PRKCA: variants seen among roughly 807,000 people sequenced by gnomAD.
PRKCA encodes the protein protein kinase C alpha.
In PRKCA, 27 loss-of-function variants were observed where a neutral mutation model predicts 87.0. The ratio of observed to expected loss-of-function variants is 0.31; its 90% CI spans 0.23 to 0.43. The LOEUF is 0.43. PRKCA is among the 20% of genes least tolerant of loss of function. The pLI is 1.00. For missense variants in PRKCA, 518 were observed against 852.3 expected, an observed-to-expected ratio of 0.61 and a Z score of 4.88; for synonymous variants, 329 against 311.1, an observed-to-expected ratio of 1.06 and a Z score of -0.61.
At chr17:66,776,680 A>G (rs1568027480) in intron 14 of PRKCA, among the ~76,000 whole-genome samples, 1 of 152,178 alleles carries the variant, frequency 6.6e-6, no homozygotes, top group Non-Finnish European at 1.5e-5. Context: ...AGTAAAGTAC[A>G]CTTGGAAGAG....
At chr17:66,764,630 T>C (rs1001428348) in intron 13 of PRKCA, among the ~76,000 whole-genome samples, 2 of 152,258 alleles carry the variant, frequency 1.3e-5, no homozygotes, top group Non-Finnish European at 2.9e-5. Context: ...TAAAATTGAA[T>C]GACAGTGGCC....
chr17:66,578,901 C>T (rs1397331956), intron 3 of PRKCA, among the ~76,000 whole-genome samples: 1 of 152,218 alleles, frequency 6.6e-6, no homozygotes, highest in African/African-American at 2.4e-5. Flanking sequence ...TGGGTGGCTC[C>T]CCGCGCAGCT....
chr17:66,507,019 T>C (rs1433854405), intron 3 of PRKCA, among the ~76,000 whole-genome samples: 2 of 152,224 alleles, frequency 1.3e-5, no homozygotes, highest in African/African-American at 2.4e-5. Flanking sequence ...TGTGATACCA[T>C]GTATTTAGCG....
chr17:66,410,488 G>A (rs1301406956), intron 2 of PRKCA, among the ~76,000 whole-genome samples: 1 of 152,060 alleles, frequency 6.6e-6, no homozygotes, highest in Non-Finnish European at 1.5e-5. Context: ...TTACACCTTA[G>A]CTTAAAAAAT....
chr17:66,435,647 T>C (rs1209322941), intron 2 of PRKCA, among the ~76,000 whole-genome samples: 2 of 152,036 alleles, frequency 1.3e-5, no homozygotes, highest in Non-Finnish European at 2.9e-5. Flanking sequence ...ATTGGGAAGA[T>C]ATAAAGCACT....
At chr17:66,566,472 G>GTTGTTTTTT (rs1968891899) in intron 3 of PRKCA, among the ~76,000 whole-genome samples, 1 of 66,168 alleles carries the variant, frequency 1.5e-5, no homozygotes, top group African/African-American at 6.3e-5. Context: ...AACTGTTGTT[G>GTTGTTTTTT]TTTTTTGGTT....
intron 2 of PRKCA, among the ~76,000 whole-genome samples, chr17:66,356,162 G>A (rs1162198400): frequency 6.6e-6 from 1 of 152,184 alleles, no homozygotes. Flanking sequence ...GCCTCCCAAA[G>A]TGCTGGGATT....
At chr17:66,766,385 G>A (rs1369861209) in intron 13 of PRKCA, among the ~76,000 whole-genome samples, 1 of 152,010 alleles carries the variant, frequency 6.6e-6, no homozygotes, top group Non-Finnish European at 1.5e-5. Flanking sequence ...TTCCAATTCG[G>A]ACATCAGTTT....
chr17:66,761,332 T>C (rs1235565608), intron 13 of PRKCA, among the ~76,000 whole-genome samples: 1 of 148,488 alleles, frequency 6.7e-6, no homozygotes, highest in African/African-American at 2.5e-5. Context: ...ATCACGCCAC[T>C]GCACTCCAGC....
intron 2 of PRKCA, among the ~76,000 whole-genome samples, chr17:66,361,470 C>A (rs1454496044): frequency 6.6e-6 from 1 of 152,000 alleles, no homozygotes; most frequent in African/African-American, 2.4e-5. Context: ...CGCCACCACG[C>A]CTGGCTAATT....
chr17:66,643,879 C>T (rs1971379220), intron 4 of PRKCA, among the ~76,000 whole-genome samples: 1 of 152,184 alleles, frequency 6.6e-6, no homozygotes, highest in Admixed American at 6.5e-5. Flanking sequence ...TTGAGTGGGC[C>T]AACCTCTCAC....
chr17:66,329,039 T>C (rs1165509010), intron 2 of PRKCA, among the ~76,000 whole-genome samples: 1 of 152,222 alleles, frequency 6.6e-6, no homozygotes, highest in Non-Finnish European at 1.5e-5. Context: ...CCTACTGTTA[T>C]GTGAAGAACT....
intron 2 of PRKCA, among the ~76,000 whole-genome samples, chr17:66,429,315 T>C (rs1360847264): frequency 6.6e-6 from 1 of 152,198 alleles, no homozygotes; most frequent in Non-Finnish European, 1.5e-5. Context: ...TTAATATCGT[T>C]GGGTTTCATG....
chr17:66,444,523 A>G lies in PRKCA; in HGVS notation c.206-51678A>G, dbSNP rs72838281. Reference sequence around the variant, plus strand: ...GGCTGCTTAAGGCATATGAGGGCTCAGGACTCAGAGCCCTCCTTCTTTATG... The same window carrying G: ...GGCTGCTTAAGGCATATGAGGGCTCGGGACTCAGAGCCCTCCTTCTTTATG... On this transcript the variant is annotated intron_variant, in intron 2 of 16. Transcript: ENST00000413366. 5.8e-3 allele frequency among the ~76,000 whole-genome samples: 879 copies of G among 152,300 alleles called. 8 individuals are homozygous for G. Among genetic ancestry groups the G allele is most frequent in the Non-Finnish European group, 9.2e-3 (623 of 68,026 alleles).
chr17:66,306,992 C>T (rs1265999882), intron 2 of PRKCA, among the ~76,000 whole-genome samples: 1 of 152,074 alleles, frequency 6.6e-6, no homozygotes, highest in African/African-American at 2.4e-5. Context: ...AAAATATTAT[C>T]CTAACACTGT....
chr17:66,674,039 A>C lies in PRKCA; in HGVS notation c.530-13072A>C, dbSNP rs189362351. Among the ~76,000 whole-genome samples, 615 of 152,336 alleles carry C rather than the reference A, an allele frequency of 4.0e-3. 5 individuals carry two copies. Among genetic ancestry groups the C allele is most frequent in the African/African-American group, 0.014 (575 of 41,578 alleles). On this transcript the variant is annotated intron_variant, in intron 5 of 16. Coordinates refer to ENST00000413366, the MANE Select transcript of PRKCA (RefSeq NM_002737.3). The stretch of plus-strand genomic sequence containing the variant: ...TATGTACTGCAACCAAGAGCTGAGA[A>C]GTTTCCAAGCTTTCCTGTCTGTGTT...
intron 3 of PRKCA, among the ~76,000 whole-genome samples, chr17:66,552,126 C>T (rs187309618): frequency 1.3e-5 from 2 of 152,146 alleles, no homozygotes; most frequent in East Asian, 3.9e-4. Flanking sequence ...GACAAAATCC[C>T]ATCTCTAGGA....
intron 13 of PRKCA, among the ~76,000 whole-genome samples, chr17:66,758,904 T>G (rs936207424): frequency 6.6e-6 from 1 of 152,114 alleles, no homozygotes; most frequent in African/African-American, 2.4e-5. Context: ...CTAACATGAG[T>G]TTTTTTCAAA....
chr17:66,440,617 G>T (rs1913683910), intron 2 of PRKCA, among the ~76,000 whole-genome samples: 1 of 152,116 alleles, frequency 6.6e-6, no homozygotes, highest in South Asian at 2.1e-4. Context: ...CATACAACCG[G>T]GGTGTTACCT....
Sources: gnomAD v4.1 joint callset for allele counts (sites outside exome capture counted in the v4.1 genomes callset) on GRCh38, gnomAD v4.1.1 for gene constraint, MANE v1.5 for transcripts, NCBI Gene and HGNC (gene_info 2026-07-23, HGNC 2026-07-21) for gene names.